Variants in SLC17A2 observed in about 807,000 individuals in gnomAD.
SLC17A2 encodes the protein solute carrier family 17 member 2, also known as sodium-dependent phosphate transport protein 3.
A neutral mutation model predicts 52.1 loss-of-function variants in SLC17A2; 38 were observed. That is an observed-to-expected ratio of 0.73 (90% CI 0.56 to 0.96). The LOEUF is 0.96. SLC17A2 is among the 40% of genes least tolerant of loss of function. SLC17A2 has a pLI of 0.00. For missense variants in SLC17A2, 508 were observed against 583.9 expected (o/e 0.87, Z 1.34); for synonymous variants, 226 against 211.9 (o/e 1.07, Z -0.58).
chr6:25,916,839 G>A lies in SLC17A2; in HGVS notation c.776C>T (p.Ser259Phe), dbSNP rs1321000809. ...CTTTATGGGGACAGCTCGTCCAGGA[G>A]AACTGGGCTGAAAAGAAAGATCTAA... Reference protein sequence around the residue: ...ILSSLAQQPSSPGRAVPIKAM... With the variant: ...ILSSLAQQPSFPGRAVPIKAM... Residue 259 changes from serine (S) to phenylalanine (F), a missense_variant, in exon 8 of 12, where the codon TCT becomes TTT. Transcript: ENST00000377850. 3.7e-6 allele frequency: 6 copies of A among 1,614,024 alleles called. No homozygotes were observed. In the African/African-American group the frequency reaches 6.7e-5, roughly 18 times the overall value.
At chr6:25,915,413 A>G in intron 10 of SLC17A2, 86 bp downstream of exon 10, 2 of 1,165,846 alleles carry the variant, frequency 1.7e-6, no homozygotes, top group Non-Finnish European at 2.4e-6. Flanking sequence ...CAATGTCAGT[A>G]ACATTAAAGA....
chr6:25,920,780 G>C (rs1766521870), intron 5 of SLC17A2, among the ~76,000 whole-genome samples: 1 of 152,066 alleles, frequency 6.6e-6, no homozygotes, highest in South Asian at 2.1e-4. Flanking sequence ...GACTACTAAG[G>C]CTTTTCTGAG....
intron 7 of SLC17A2, 37 bp downstream of exon 7, chr6:25,916,932 C>A (rs773162898): frequency 1.2e-6 from 2 of 1,606,332 alleles, no homozygotes; most frequent in Non-Finnish European, 8.5e-7. Context: ...CCCTAGAGAC[C>A]TCTGCATGGG....
rs200628356 is a variant in SLC17A2 at position 25,920,994 on chromosome 6, G to A, written c.562+12C>T. On this transcript the variant is annotated intron_variant, in intron 5 of 11. Coordinates refer to ENST00000377850, the MANE Select transcript of SLC17A2 (RefSeq NM_001286123.3). Reference sequence around the variant, plus strand: ...CAGATGACAAAGCTATGACCCATCTGTGCACACTTACCTGATCCTGCAATG... The same window carrying A: ...CAGATGACAAAGCTATGACCCATCTATGCACACTTACCTGATCCTGCAATG... The A allele has an allele frequency of 1.6e-5, 25 of 1,612,860 alleles. No individual in the cohort carries two copies. The South Asian group carries it at 2.6e-4, about 17-fold the overall frequency.
At chr6:25,925,614 T>C (rs968001273) in intron 2 of SLC17A2, among the ~76,000 whole-genome samples, 155 bp downstream of exon 2, 1 of 152,070 alleles carries the variant, frequency 6.6e-6, no homozygotes, top group African/African-American at 2.4e-5. Context: ...TTCATGGGGC[T>C]AAGGAAAAAG....
chr6:25,919,473 C>T (rs910317257), intron 5 of SLC17A2, among the ~76,000 whole-genome samples: 22 of 151,444 alleles, frequency 1.5e-4, no homozygotes, highest in African/African-American at 4.4e-4. Flanking sequence ...TTTGGGAGGC[C>T]GAGGCGGGCG....
At chr6:25,916,272 T>C (rs1481256724) in intron 8 of SLC17A2, among the ~76,000 whole-genome samples, 2 of 152,188 alleles carry the variant, frequency 1.3e-5, no homozygotes, top group Admixed American at 1.3e-4. Context: ...GTAGATGATA[T>C]TTAGTAAACC....
chr6:25,920,034 A>G (rs1766492452), intron 5 of SLC17A2, among the ~76,000 whole-genome samples: 1 of 152,214 alleles, frequency 6.6e-6, no homozygotes. Context: ...GTGAGTAAAA[A>G]TGTGCCATCT....
chr6:25,918,115 T>C (rs1007088258), intron 6 of SLC17A2, among the ~76,000 whole-genome samples: 5 of 152,222 alleles, frequency 3.3e-5, no homozygotes, highest in African/African-American at 1.2e-4. Context: ...TATAATGAAA[T>C]ATGAAGACAC....
chr6:25,915,880 A>G lies in SLC17A2; in HGVS notation c.931-12T>C. On this transcript the variant is annotated splice_polypyrimidine_tract_variant and intron_variant, in intron 8 of 11. Coordinates refer to ENST00000377850, the MANE Select transcript of SLC17A2 (RefSeq NM_001286123.3). The stretch of plus-strand genomic sequence containing the variant: ...GACAGAACTCCACTCTGAAGGAAGG[A>G]AGTTTATACAGAGTAGTTATAGAGA... 1 of 1,612,118 alleles carries G rather than the reference A, an allele frequency of 6.2e-7. No individual in the cohort carries two copies. The highest frequency in any genetic ancestry group is 8.5e-7 in the Non-Finnish European group (1 of 1,179,266).
chr6:25,913,488 A>G, intron 11 of SLC17A2, 37 bp from the exon 12 acceptor site: 1 of 1,605,962 alleles, frequency 6.2e-7, no homozygotes, highest in South Asian at 1.1e-5. Context: ...TCAATCTCAC[A>G]AGTTCCTTCT....
chr6:25,926,327 C>T (rs768979686), intron 1 of SLC17A2, among the ~76,000 whole-genome samples: 1 of 152,154 alleles, frequency 6.6e-6, no homozygotes, highest in African/African-American at 2.4e-5. Context: ...GTTTCTCTCC[C>T]CTCTGTACCA....
chr6:25,929,888 G>A (rs9393675), intron 1 of SLC17A2, among the ~76,000 whole-genome samples: 53,184 of 151,996 alleles, frequency 0.35, 10,413 homozygotes, highest in East Asian at 0.7. Flanking sequence ...CAACCTCTAC[G>A]TCCTGGGTTC....
chr6:25,915,476 G>A, intron 10 of SLC17A2, 23 bp downstream of exon 10: 3 of 1,543,640 alleles, frequency 1.9e-6, no homozygotes, highest in Non-Finnish European at 2.6e-6. Context: ...TGGAGGAGGG[G>A]AAAAAACAGG....
At chr6:25,913,887 C>T (rs1229433881) in intron 11 of SLC17A2, among the ~76,000 whole-genome samples, 1 of 151,822 alleles carries the variant, frequency 6.6e-6, no homozygotes, top group Non-Finnish European at 1.5e-5. Context: ...CTTTGGTCTT[C>T]TGTGTGACCC....
chr6:25,920,843 C>A (rs1336203488), intron 5 of SLC17A2, among the ~76,000 whole-genome samples, 163 bp downstream of exon 5: 1 of 152,210 alleles, frequency 6.6e-6, no homozygotes, highest in Non-Finnish European at 1.5e-5. Flanking sequence ...AATGTCTTTA[C>A]TGCACAGATG....
intron 1 of SLC17A2, among the ~76,000 whole-genome samples, chr6:25,929,394 A>G (rs762853212): frequency 6.6e-6 from 1 of 152,252 alleles, no homozygotes; most frequent in African/African-American, 2.4e-5. Flanking sequence ...AGATACTAGC[A>G]ACAGCAATAA....
chr6:25,922,994 G>A (rs1291645745), intron 3 of SLC17A2, among the ~76,000 whole-genome samples: 2 of 151,996 alleles, frequency 1.3e-5, no homozygotes, highest in Admixed American at 6.6e-5. Flanking sequence ...TCAGGAGTTC[G>A]AGACCAGCCT....
In SLC17A2 at chr6:25,925,784, G is replaced by C; in HGVS notation, c.13C>G (p.Pro5Ala). Residue 5 changes from proline to alanine, a missense_variant, in exon 2 of 12, where the codon CCT (proline) becomes GCT (alanine). Pro to Ala is a conservative substitution (Grantham distance 27, BLOSUM62 -1). Coordinates refer to ENST00000377850, the MANE Select transcript of SLC17A2 (RefSeq NM_001286123.3). The stretch of plus-strand genomic sequence containing the variant: ...GTGGCTTTACCTTTCCTGGTGGCAG[G>C]CTTCCCGTCCATTTAGCTTCTGTGG... MDGK[P>A]ATRKGPDFCS... is the part of the protein sequence containing the mutation. 6.2e-7 allele frequency: 1 copy of C among 1,614,128 alleles called. No homozygotes were observed. Among genetic ancestry groups the C allele is most frequent in the South Asian group, 1.1e-5 (1 of 91,078 alleles).
Sources: allele counts gnomAD v4.1 joint callset (sites outside exome capture counted in the v4.1 genomes callset), GRCh38; gene constraint gnomAD v4.1.1; transcripts MANE v1.5; gene names NCBI Gene and HGNC (gene_info 2026-07-23, HGNC 2026-07-21).